Variants in CGNL1 observed in about 807,000 individuals in gnomAD.
CGNL1 encodes the protein cingulin-like protein 1.
CGNL1 carries 132 observed loss-of-function variants against 141.2 expected under a neutral mutation model. The observed-to-expected ratio is 0.93, with a 90% CI of 0.81 to 1.08. The LOEUF is 1.08. Among genes scored for constraint, CGNL1 ranks in the 50% least tolerant of loss-of-function variants. The probability of loss-of-function intolerance (pLI) is 0.00; values close to 1 mark genes in which losing one functional copy is unlikely to be tolerated. For synonymous variants in CGNL1, 690 were observed against 622.1 expected (o/e 1.11, Z -1.63); for missense variants, 1,870 against 1,588.6 (o/e 1.18, Z -3.01).
At chr15:57,395,142 C>A (rs1282955986) in intron 1 of CGNL1, among the ~76,000 whole-genome samples, 1 of 152,030 alleles carries the variant, frequency 6.6e-6, no homozygotes, top group Non-Finnish European at 1.5e-5. Flanking sequence ...CCCCACCAAA[C>A]CAAAAAACCC....
At chr15:57,382,189 A>G (rs1442496839) in intron 1 of CGNL1, among the ~76,000 whole-genome samples, 4 of 152,248 alleles carry the variant, frequency 2.6e-5, no homozygotes, top group Admixed American at 1.3e-4. Flanking sequence ...AATTACAGGT[A>G]GTAAGGGCTT....
chr15:57,402,944 C>G (rs17820263), intron 1 of CGNL1, among the ~76,000 whole-genome samples: 429 of 152,286 alleles, frequency 2.8e-3, no homozygotes, highest in Non-Finnish European at 4.6e-3. Context: ...ATTGGAGATT[C>G]TAACTGCACA....
At chr15:57,388,685 T>C (rs907473) in intron 1 of CGNL1, among the ~76,000 whole-genome samples, 109,641 of 152,196 alleles carry the variant, frequency 0.72, 39,886 homozygotes, top group East Asian at 0.85. Context: ...GACAGGGTGA[T>C]GTTACTGGAC....
intron 8 of CGNL1, among the ~76,000 whole-genome samples, chr15:57,469,071 CAG>C (rs2063547413): frequency 6.6e-6 from 1 of 152,024 alleles, no homozygotes; most frequent in Non-Finnish European, 1.5e-5. Flanking sequence ...TGGACTAATA[CAG>C]AGACCTAATG....
At chr15:57,524,829 C>T in intron 12 of CGNL1, 78 bp downstream of exon 12, 1 of 1,419,212 alleles carries the variant, frequency 7.0e-7, no homozygotes, top group Non-Finnish European at 9.6e-7. Flanking sequence ...CTGTGAGGGA[C>T]TTGGGGGTAG....
At chr15:57,446,529 T>G (rs1363259336) in intron 4 of CGNL1, among the ~76,000 whole-genome samples, 1 of 152,212 alleles carries the variant, frequency 6.6e-6, no homozygotes, top group African/African-American at 2.4e-5. Context: ...ATCAGCAGGA[T>G]TCATTAATGT....
intron 8 of CGNL1, among the ~76,000 whole-genome samples, chr15:57,462,443 A>G (rs984272917): frequency 5.9e-5 from 9 of 152,210 alleles, no homozygotes; most frequent in Non-Finnish European, 1.3e-4. Context: ...CTTGGCTCCT[A>G]CAAATAGATT....
chr15:57,383,193 G>A (rs983721810), intron 1 of CGNL1, among the ~76,000 whole-genome samples: 1 of 151,994 alleles, frequency 6.6e-6, no homozygotes, highest in Admixed American at 6.6e-5. Context: ...TGCTGGAGAG[G>A]ACCTGATAAA....
intron 8 of CGNL1, among the ~76,000 whole-genome samples, chr15:57,492,091 T>G (rs1333612732): frequency 6.6e-6 from 1 of 152,220 alleles, no homozygotes; most frequent in Admixed American, 6.5e-5. Context: ...GAGACTTTAT[T>G]ACTTCATTTA....
chr15:57,473,612 A>T (rs1294747652), intron 8 of CGNL1, among the ~76,000 whole-genome samples: 1 of 152,172 alleles, frequency 6.6e-6, no homozygotes, highest in Admixed American at 6.5e-5. Flanking sequence ...TTGATCATAA[A>T]GGACATGTGG....
chr15:57,451,358 G>A (rs1389718403), intron 4 of CGNL1, 142 bp from the exon 5 acceptor site: 2 of 591,240 alleles, frequency 3.4e-6, no homozygotes, highest in Admixed American at 6.2e-5. Context: ...GTTCCCTGAA[G>A]GGGTTGATGT....
Position 57,546,216 on chromosome 15 carries a change from C to T in CGNL1, c.3750C>T (p.Leu1250=). 6.3e-7 allele frequency: 1 copy of T among 1,592,482 alleles called. No homozygotes were observed. The highest frequency in any genetic ancestry group is 8.6e-7 in the Non-Finnish European group (1 of 1,169,368). ...MDMNEHLQGQ[L]NSMKKDLRLK... ...TGAATGAGCATCTGCAGGGGCAGCT[C>T]AACTCCATGAAGAAGGACTTAAGGT... Residue 1250 remains leucine (L), a synonymous_variant, in exon 18 of 19, where the codon CTC becomes CTT. Transcript: ENST00000281282.
intron 7 of CGNL1, among the ~76,000 whole-genome samples, chr15:57,459,668 C>G (rs1298121470): frequency 2.0e-5 from 3 of 152,138 alleles, no homozygotes; most frequent in African/African-American, 7.2e-5. Context: ...GTGAGGAGGG[C>G]TTTACCCAGG....
At position 57,514,395 on chromosome 15, in the gene CGNL1, G is replaced by A. The variant is rs144129852; in HGVS notation, c.2404-2385G>A. On this transcript the variant is annotated intron_variant, in intron 8 of 18. Coordinates refer to ENST00000281282, the MANE Select transcript of CGNL1 (RefSeq NM_032866.5). ...TTGAACTTCTGACCACAAGTGATCC[G>A]CCTGCCTGGGCCTCTTAAAGTGCAG... is the stretch of plus-strand genomic sequence containing the variant. Among the ~76,000 whole-genome samples, 524 of 152,218 alleles carry A rather than the reference G, an allele frequency of 3.4e-3. 3 individuals carry two copies. The highest frequency in any genetic ancestry group is 0.012 in the African/African-American group (482 of 41,532).
intron 1 of CGNL1, among the ~76,000 whole-genome samples, chr15:57,412,852 G>C (rs2062805771): frequency 6.6e-6 from 1 of 152,042 alleles, no homozygotes. Flanking sequence ...CCATCTCTTA[G>C]TATCTCAGTT....
chr15:57,379,679 C>A (rs534548138), intron 1 of CGNL1, among the ~76,000 whole-genome samples: 1 of 152,110 alleles, frequency 6.6e-6, no homozygotes, highest in African/African-American at 2.4e-5. Flanking sequence ...AGGTTGGCAT[C>A]AGAGCAGGAA....
intron 1 of CGNL1, among the ~76,000 whole-genome samples, chr15:57,393,265 C>CAATCTGAATAAAAT (rs2062562756): frequency 3.3e-5 from 5 of 152,274 alleles, no homozygotes; most frequent in African/African-American, 1.2e-4. Flanking sequence ...CAATGGCCAC[C>CAATCTGAATAAAAT]GGATACCCAC....
chr15:57,465,399 T>TC (rs1295148524), intron 8 of CGNL1, among the ~76,000 whole-genome samples: 1 of 147,844 alleles, frequency 6.8e-6, no homozygotes, highest in Non-Finnish European at 1.5e-5. Context: ...TTTTTTTTTT[T>TC]TTTTTTTTTA....
intron 1 of CGNL1, among the ~76,000 whole-genome samples, chr15:57,410,827 A>C (rs1473092512): frequency 6.6e-6 from 1 of 152,210 alleles, no homozygotes; most frequent in Non-Finnish European, 1.5e-5. Context: ...CTCTTGCTAA[A>C]AAAATAAAAT....
Sources: gnomAD v4.1 joint callset for allele counts (sites outside exome capture counted in the v4.1 genomes callset) on GRCh38, gnomAD v4.1.1 for gene constraint, MANE v1.5 for transcripts, NCBI Gene and HGNC (gene_info 2026-07-23, HGNC 2026-07-21) for gene names.